ROBO2: variants seen among roughly 807,000 people sequenced by gnomAD.
ROBO2 encodes roundabout homolog 2.
Under a neutral mutation model 160.8 loss-of-function variants are expected in ROBO2, and 53 were observed. That is an observed-to-expected ratio of 0.33 (90% CI 0.26 to 0.41). The LOEUF (loss-of-function observed/expected upper bound fraction) is 0.41. Among genes scored for constraint, ROBO2 ranks in the 10% least tolerant of loss-of-function variants. ROBO2 has a pLI of 1.00. For synonymous variants in ROBO2, 664 were observed against 611.7 expected (o/e 1.09, Z -1.26); for missense variants, 1,577 against 1,722.4 (o/e 0.92, Z 1.49).
chr3:76,087,862 C>T (rs1173987675), intron 2 of ROBO2, among the ~76,000 whole-genome samples: 1 of 151,916 alleles, frequency 6.6e-6, no homozygotes, highest in Non-Finnish European at 1.5e-5. Flanking sequence ...AGGTATATTG[C>T]AACCTGTAGG....
rs563849793 is a variant in ROBO2 at position 76,707,554 on chromosome 3, G to T, written c.110-390460G>T. ...GAGCATGCCACAAGTTCCCAAGGCT[G>T]GTGACTCCTCCCTCTACTGACAGGT... On this transcript the variant is annotated intron_variant, in intron 2 of 26. Transcript: ENST00000487694. Among the ~76,000 whole-genome samples the T allele has an allele frequency of 1.3e-4, 20 of 151,720 alleles. 2 individuals are homozygous for T. The South Asian group carries it at 4.0e-3, about 30-fold the overall frequency.
chr3:76,227,854 A>G (rs1704383847), intron 2 of ROBO2, among the ~76,000 whole-genome samples: 1 of 152,168 alleles, frequency 6.6e-6, no homozygotes. Flanking sequence ...TTTTGAACAC[A>G]CACATAATCA....
At chr3:76,568,504 C>A (rs2084751836) in intron 2 of ROBO2, among the ~76,000 whole-genome samples, 1 of 150,904 alleles carries the variant, frequency 6.6e-6, no homozygotes, top group Non-Finnish European at 1.5e-5. Flanking sequence ...GACGGGGTTT[C>A]ACCGTGTTAG....
At chr3:77,151,617 CT>C (rs2077551852) in intron 2 of ROBO2, among the ~76,000 whole-genome samples, 1 of 152,170 alleles carries the variant, frequency 6.6e-6, no homozygotes, top group Non-Finnish European at 1.5e-5. Context: ...GCTGTTCAGG[CT>C]TTGACTATAT....
At position 75,979,780 on chromosome 3, in the gene ROBO2, T is replaced by C. The variant is rs58735950; in HGVS notation, c.109+42178T>C. 8.6e-5 allele frequency among the ~76,000 whole-genome samples: 13 copies of C among 151,764 alleles called. No individual in the cohort carries two copies. In the East Asian group the frequency reaches 2.3e-3, roughly 27 times the overall value. ...TTCTAAGCCTGAAAGCTACACATTGTTTTAGTTAAATTCTTAATTTCTTCC... is the reference window on the plus strand; with the variant it reads ...TTCTAAGCCTGAAAGCTACACATTGCTTTAGTTAAATTCTTAATTTCTTCC... On this transcript the variant is annotated intron_variant, in intron 2 of 26. Coordinates refer to the ROBO2 transcript ENST00000487694.
chr3:76,505,957 T>A lies in ROBO2; in HGVS notation c.109+568355T>A, dbSNP rs373447330. Among the ~76,000 whole-genome samples the A allele has an allele frequency of 1.9e-4, 29 of 152,306 alleles. No homozygotes were observed. In the Middle Eastern group the frequency reaches 0.017, roughly 89 times the overall value. Reference sequence around the variant, plus strand: ...ATTTGTAGGTAACACCTTGGAGCTATGATAGTAAGTCACATAAACAGAAAC... The same window carrying A: ...ATTTGTAGGTAACACCTTGGAGCTAAGATAGTAAGTCACATAAACAGAAAC... On this transcript the variant is annotated intron_variant, in intron 2 of 26. Transcript: ENST00000487694.
At chr3:76,921,613 A>T (rs1405139463) in intron 2 of ROBO2, among the ~76,000 whole-genome samples, 1 of 152,110 alleles carries the variant, frequency 6.6e-6, no homozygotes, top group Admixed American at 6.5e-5. Context: ...CTCTGTACCT[A>T]ATTTTTGCTA....
chr3:77,182,242 G>A (rs1291325470), intron 2 of ROBO2, among the ~76,000 whole-genome samples: 4 of 152,040 alleles, frequency 2.6e-5, no homozygotes, highest in Admixed American at 2.6e-4. Context: ...TTATATTTAT[G>A]GTGGTGGAAA....
At chr3:76,621,522 A>G (rs1400360314) in intron 2 of ROBO2, among the ~76,000 whole-genome samples, 1 of 152,226 alleles carries the variant, frequency 6.6e-6, no homozygotes, top group African/African-American at 2.4e-5. Context: ...GAACTACTGG[A>G]TATTGAATTC....
intron 2 of ROBO2, among the ~76,000 whole-genome samples, chr3:76,808,148 G>C (rs2064880349): frequency 6.6e-6 from 1 of 152,004 alleles, no homozygotes; most frequent in African/African-American, 2.4e-5. Context: ...TTATACAAAA[G>C]TACAATATCC....
intron 15 of ROBO2, among the ~76,000 whole-genome samples, chr3:77,579,344 A>G (rs2093852434): frequency 6.6e-6 from 1 of 151,858 alleles, no homozygotes; most frequent in Non-Finnish European, 1.5e-5. Flanking sequence ...GTTGATCAAT[A>G]TTAGATTTAT....
chr3:77,344,129 C>T (rs1409634824), intron 2 of ROBO2, among the ~76,000 whole-genome samples: 2 of 152,052 alleles, frequency 1.3e-5, no homozygotes, highest in Non-Finnish European at 2.9e-5. Context: ...CGTGAGCCTC[C>T]TTTTATGGTC....
At chr3:77,317,326 G>A in intron 2 of ROBO2, 2 of 774,208 alleles carry the variant, frequency 2.6e-6, no homozygotes, top group Non-Finnish European at 4.5e-6. Flanking sequence ...GTCAGCCTCA[G>A]GCCACGTGCA....
At chr3:76,937,170 G>C (rs1577636875) in intron 2 of ROBO2, among the ~76,000 whole-genome samples, 1 of 152,286 alleles carries the variant, frequency 6.6e-6, no homozygotes, top group East Asian at 1.9e-4. Flanking sequence ...GTAAAACTTA[G>C]TGGCATCTAA....
chr3:77,021,974 C>T (rs570857502), intron 2 of ROBO2, among the ~76,000 whole-genome samples: 1 of 152,272 alleles, frequency 6.6e-6, no homozygotes, highest in South Asian at 2.1e-4. Flanking sequence ...GGTGTAGTGG[C>T]TCATACCTAT....
chr3:76,912,373 C>G (rs1318801734), intron 2 of ROBO2, among the ~76,000 whole-genome samples: 1 of 152,080 alleles, frequency 6.6e-6, no homozygotes, highest in African/African-American at 2.4e-5. Flanking sequence ...TGAATTAATG[C>G]TTCTCTTACT....
intron 1 of ROBO2, among the ~76,000 whole-genome samples, chr3:77,079,370 G>A (rs1458301529): frequency 6.6e-6 from 1 of 152,180 alleles, no homozygotes; most frequent in Non-Finnish European, 1.5e-5. Context: ...TTCCAAGATA[G>A]ACTACGTTCC....
At chr3:75,968,789 G>T (rs941771554) in intron 2 of ROBO2, among the ~76,000 whole-genome samples, 1 of 27,904 alleles carries the variant, frequency 3.6e-5, no homozygotes, top group African/African-American at 5.2e-5. Flanking sequence ...TATATACTTG[G>T]CTTGTTTTAG....
chr3:76,054,565 G>C (rs1457264800), intron 2 of ROBO2, among the ~76,000 whole-genome samples: 2 of 152,272 alleles, frequency 1.3e-5, no homozygotes, highest in South Asian at 4.1e-4. Context: ...CCTATTGCAT[G>C]TTGTCACTTA....
Sources: allele counts gnomAD v4.1 joint callset (sites outside exome capture counted in the v4.1 genomes callset), GRCh38; gene constraint gnomAD v4.1.1; transcripts MANE v1.5; gene names NCBI Gene and HGNC (gene_info 2026-07-23, HGNC 2026-07-21).